CRYM: variants seen among roughly 807,000 people sequenced by gnomAD.
The protein encoded by CRYM is crystallin mu, also known as ketimine reductase mu-crystallin.
CRYM carries 18 observed loss-of-function variants against 32.9 expected under a neutral mutation model. That is an observed-to-expected ratio of 0.55 (90% CI 0.38 to 0.81). The LOEUF (loss-of-function observed/expected upper bound fraction) is 0.81, where lower values mean the gene tolerates loss of function less well. Ranked by LOEUF, CRYM falls within the 30% of genes least tolerant of loss-of-function variation. The probability of loss-of-function intolerance (pLI) is 0.00; values close to 1 mark genes in which losing one functional copy is unlikely to be tolerated. For missense variants in CRYM, 337 were observed against 393.5 expected (o/e 0.86, Z 1.21); for synonymous variants, 153 against 152.4 (o/e 1.00, Z -0.03).
chr16:21,286,823 G>C (rs1003712582), intron 1 of CRYM, among the ~76,000 whole-genome samples: 4 of 152,096 alleles, frequency 2.6e-5, no homozygotes, highest in African/African-American at 7.2e-5. Context: ...GGGCGCAGTG[G>C]CTCACTCCTG....
At chr16:21,262,470 T>G in intron 5 of CRYM, 1 of 358,706 alleles carries the variant, frequency 2.8e-6, no homozygotes, top group East Asian at 7.2e-5. Flanking sequence ...ATACAAAAAA[T>G]TATCCAGGCG....
upstream of CRYM, among the ~76,000 whole-genome samples, chr16:21,282,062 G>A (rs1287558476): frequency 1.3e-5 from 2 of 152,194 alleles, no homozygotes; most frequent in Non-Finnish European, 2.9e-5. Context: ...GGGACCCAGT[G>A]GGAGATGACT....
At chr16:21,279,319 A>T (rs961057975), upstream of CRYM, among the ~76,000 whole-genome samples, 2 of 152,212 alleles carry the variant, frequency 1.3e-5, no homozygotes. Flanking sequence ...ATTTAGTTCA[A>T]GGTCATCCAC....
At position 21,267,616 on chromosome 16, in the gene CRYM, A is replaced by G; in HGVS notation, c.611T>C (p.Val204Ala). Reference sequence around the variant, plus strand: ...CAAAATGGGCTCTGTTGCCAGGGTGACTGTGATGATCACATCTGCACCTGC... The same window carrying G: ...CAAAATGGGCTCTGTTGCCAGGGTGGCTGTGATGATCACATCTGCACCTGC... The part of the protein sequence containing the change: ...AVAGADVIIT[V>A]TLATEPILFG... The change falls in exon 5 of 8, where the codon GTC (valine) becomes GCC (alanine). Residue 204 changes from valine to alanine, a missense_variant. Physicochemically the swap from Val to Ala is moderately conservative, Grantham distance 64. Coordinates refer to ENST00000572914, the MANE Select transcript of CRYM (RefSeq NM_001376256.1). 1 of 1,614,174 alleles carries G rather than the reference A, an allele frequency of 6.2e-7. No individual in the cohort carries two copies. The highest frequency in any genetic ancestry group is 1.1e-5 in the South Asian group (1 of 91,078).
chr16:21,296,791 A>G (rs879396790), intron 1 of CRYM, among the ~76,000 whole-genome samples: 3 of 149,654 alleles, frequency 2.0e-5, no homozygotes, highest in Non-Finnish European at 4.5e-5. Flanking sequence ...CGGGCGGATC[A>G]TGAGGTCAGG....
intron 6 of CRYM, 41 bp downstream of exon 6, chr16:21,261,996 C>T: frequency 6.2e-7 from 1 of 1,612,862 alleles, no homozygotes; most frequent in Non-Finnish European, 8.5e-7. Flanking sequence ...CAGGTGAGGC[C>T]AGCCAGGTGG....
At chr16:21,292,951 CATGGATGGATGG>C (rs914006411) in intron 1 of CRYM, among the ~76,000 whole-genome samples, 1 of 151,078 alleles carries the variant, frequency 6.6e-6, no homozygotes, top group Non-Finnish European at 1.5e-5. Context: ...AAGATAAATG[CATGGATGGATGG>C]ATGGATGGAT....
At chr16:21,282,872 G>C (rs971850509), upstream of CRYM, among the ~76,000 whole-genome samples, 1 of 151,910 alleles carries the variant, frequency 6.6e-6, no homozygotes, top group African/African-American at 2.4e-5. Context: ...CCAATAATAA[G>C]TATTATTAAT....
chr16:21,277,652 T>C lies in CRYM; in HGVS notation c.171-68A>G. Reference sequence around the variant, plus strand: ...GCTGGGGTCTCTTAGAAAGTATCCATATACTTTCCTTTTTCTTTCCTTCCT... The same window carrying C: ...GCTGGGGTCTCTTAGAAAGTATCCACATACTTTCCTTTTTCTTTCCTTCCT... On this transcript the variant is annotated intron_variant, in intron 1 of 7. Transcript: ENST00000572914. The surrounding 1 kb of genome is among the most constrained non-coding windows in gnomAD (Gnocchi z 4.2). 6.4e-7 allele frequency: 1 copy of C among 1,567,376 alleles called. No homozygotes were observed. Among genetic ancestry groups the C allele is most frequent in the Non-Finnish European group, 8.7e-7 (1 of 1,145,440 alleles).
upstream of CRYM, among the ~76,000 whole-genome samples, chr16:21,282,546 T>C (rs2093399989): frequency 6.6e-6 from 1 of 152,174 alleles, no homozygotes; most frequent in Non-Finnish European, 1.5e-5. Flanking sequence ...AATTCAGGAA[T>C]TTAGCCCCGA....
intron 5 of CRYM, 191 bp from the exon 6 acceptor site, chr16:21,262,349 G>A: frequency 1.7e-6 from 1 of 590,412 alleles, no homozygotes; most frequent in Non-Finnish European, 3.0e-6. Flanking sequence ...CAGGTGTGGT[G>A]GCTCACACCT....
intron 1 of CRYM, among the ~76,000 whole-genome samples, chr16:21,296,742 G>A (rs1960796026): frequency 6.6e-6 from 1 of 152,224 alleles, no homozygotes; most frequent in Non-Finnish European, 1.5e-5. Context: ...TGAGGCCGGG[G>A]GCTCACGCCT....
intron 5 of CRYM, among the ~76,000 whole-genome samples, chr16:21,265,377 G>A (rs1463198184): frequency 1.3e-5 from 2 of 152,094 alleles, no homozygotes; most frequent in Non-Finnish European, 2.9e-5. Context: ...TCCTCATTCA[G>A]GTCACAGCTC....
chr16:21,265,994 C>A (rs1265405690), intron 5 of CRYM, among the ~76,000 whole-genome samples: 2 of 152,058 alleles, frequency 1.3e-5, no homozygotes, highest in Non-Finnish European at 2.9e-5. Flanking sequence ...GAGGCTGAGG[C>A]GGGTGGATCA....
At chr16:21,269,717 G>T in intron 4 of CRYM, 73 bp downstream of exon 4, 1 of 957,140 alleles carries the variant, frequency 1.0e-6, no homozygotes, top group Non-Finnish European at 1.7e-6. Flanking sequence ...AACCTGTGGT[G>T]CAGTGAAGCA....
At chr16:21,259,513 G>C (rs2093350586) in intron 7 of CRYM, among the ~76,000 whole-genome samples, 1 of 152,148 alleles carries the variant, frequency 6.6e-6, no homozygotes, top group Admixed American at 6.5e-5. Flanking sequence ...AGAAAACACA[G>C]CCAACAGGTA....
At chr16:21,289,657 C>T (rs990790349) in intron 1 of CRYM, among the ~76,000 whole-genome samples, 15 of 152,106 alleles carry the variant, frequency 9.9e-5, no homozygotes, top group African/African-American at 3.6e-4. Context: ...AACTTACCCT[C>T]TACCTCCTCA....
intron 1 of CRYM, chr16:21,301,042 GC>G (rs1217852248): frequency 6.6e-6 from 1 of 152,372 alleles, no homozygotes; most frequent in Non-Finnish European, 1.5e-5. Context: ...AAAAAGGAAC[GC>G]GAGTACAGCG....
chr16:21,258,836 A>G lies in CRYM; in HGVS notation c.890T>C (p.Val297Ala), dbSNP rs774615199. 6.8e-6 allele frequency: 11 copies of G among 1,614,020 alleles called. No homozygotes were observed. The South Asian group carries it at 1.1e-4, about 16-fold the overall frequency. ...GAGTTTGGCTGCAACTGTGTCTTCC[A>G]CTGCCATTCCTAGAATAGACAGAAA... ...TTVFKSLGMA[V>A]EDTVAAKLIY... Residue 297 changes from valine (V) to alanine (A), a missense_variant, in exon 8 of 8, where the codon GTG becomes GCG. Val to Ala is a moderately conservative substitution (Grantham distance 64). Coordinates refer to ENST00000572914, the MANE Select transcript of CRYM (RefSeq NM_001376256.1).
Sources: allele counts gnomAD v4.1 joint callset (sites outside exome capture counted in the v4.1 genomes callset), GRCh38; gene constraint gnomAD v4.1.1; non-coding constraint Gnocchi (gnomAD v3.1); transcripts MANE v1.5; gene names NCBI Gene and HGNC (gene_info 2026-07-23, HGNC 2026-07-21).